Variants in ZDHHC21 observed in about 807,000 individuals in gnomAD.
The protein encoded by ZDHHC21 is zDHHC palmitoyltransferase 21.
In ZDHHC21, 15 loss-of-function variants were observed where a neutral mutation model predicts 34.6. The ratio of observed to expected loss-of-function variants is 0.43; its 90% CI spans 0.29 to 0.67. The LOEUF (loss-of-function observed/expected upper bound fraction) is 0.67. Among genes scored for constraint, ZDHHC21 ranks in the 30% least tolerant of loss-of-function variants. ZDHHC21 has a pLI of 0.14. For missense variants in ZDHHC21, 344 were observed against 327.7 expected (o/e 1.05, Z -0.38); for synonymous variants, 142 against 101.8 (o/e 1.40, Z -2.38).
At chr9:14,631,128 TAGA>T in intron 8 of ZDHHC21, among the ~76,000 whole-genome samples, 1 of 152,362 alleles carries the variant, frequency 6.6e-6, no homozygotes, top group Non-Finnish European at 1.5e-5. Context: ...CTTCTTCCAA[TAGA>T]AGGCTGTTTT....
At chr9:14,598,371 C>T in the ZDHHC21 span, among the ~76,000 whole-genome samples, 3 of 152,118 alleles carry the variant, frequency 2.0e-5, no homozygotes, top group East Asian at 5.8e-4. Flanking sequence ...AATAATACGA[C>T]GACTATACTA....
Position 14,692,222 on chromosome 9 carries a change from C to T in ZDHHC21, c.-225+1007G>A, listed in dbSNP as rs527325385. 1.3e-4 allele frequency among the ~76,000 whole-genome samples: 20 copies of T among 152,224 alleles called. No homozygotes were observed. The East Asian group carries it at 3.7e-3, about 28-fold the overall frequency. On this transcript the variant is annotated intron_variant, in intron 1 of 9. Coordinates refer to ENST00000380916, the MANE Select transcript of ZDHHC21 (RefSeq NM_178566.6). Reference sequence around the variant, plus strand: ...AAGAATTTAATATTACACCAAAAGCCTTTTAATCCAGGAATGGCGCATACT... The same window carrying T: ...AAGAATTTAATATTACACCAAAAGCTTTTTAATCCAGGAATGGCGCATACT...
intron 2 of ZDHHC21, chr9:14,683,564 T>G (rs1007589351): frequency 6.6e-6 from 1 of 152,006 alleles, no homozygotes; most frequent in Non-Finnish European, 1.5e-5. Context: ...ATTAATAGCT[T>G]ACCAACCAAA....
the ZDHHC21 span, among the ~76,000 whole-genome samples, chr9:14,598,119 G>A: frequency 1.3e-5 from 2 of 152,062 alleles, no homozygotes; most frequent in Admixed American, 6.6e-5. Flanking sequence ...AACCAGCCCA[G>A]AGCAAGCTGC....
chr9:14,648,344 T>C (rs551847452), intron 7 of ZDHHC21, among the ~76,000 whole-genome samples: 60 of 152,172 alleles, frequency 3.9e-4, no homozygotes, highest in African/African-American at 1.4e-3. Flanking sequence ...GTAAATGAGA[T>C]TGTGTAATGG....
chr9:14,678,807 A>C (rs1267425446), intron 3 of ZDHHC21, among the ~76,000 whole-genome samples: 1 of 152,064 alleles, frequency 6.6e-6, no homozygotes, highest in Non-Finnish European at 1.5e-5. Context: ...ATTCTAATAC[A>C]CCCATAGTGT....
chr9:14,662,951 T>C (rs1341308067), intron 5 of ZDHHC21, among the ~76,000 whole-genome samples: 1 of 152,162 alleles, frequency 6.6e-6, no homozygotes, highest in Non-Finnish European at 1.5e-5. Flanking sequence ...TGAAAAATGT[T>C]ATAAGACAAC....
chr9:14,600,369 G>C, the ZDHHC21 span, among the ~76,000 whole-genome samples: 5 of 152,012 alleles, frequency 3.3e-5, no homozygotes, highest in African/African-American at 9.7e-5. Context: ...ATAGCAGACA[G>C]AGAACCAAAT....
chr9:14,640,081 T>C lies in ZDHHC21; in HGVS notation c.505-69A>G. ...ACATTGCTTACAGTCGCAATAATAA[T>C]CAAGAATTGAGCCATAACACATCTT... On this transcript the variant is annotated intron_variant, in intron 7 of 9. Transcript: ENST00000380916. 2.1e-5 allele frequency: 17 copies of C among 807,316 alleles called. No homozygotes were observed. In the South Asian group the frequency reaches 2.7e-4, roughly 13 times the overall value. 50.0% of individuals were successfully genotyped at this position (807,316 alleles called of 1,614,324 possible).
At chr9:14,673,248 ACTG>A (rs1357524913) in intron 4 of ZDHHC21, among the ~76,000 whole-genome samples, 1 of 151,978 alleles carries the variant, frequency 6.6e-6, no homozygotes, top group African/African-American at 2.4e-5. Context: ...CCGTTTAATT[ACTG>A]CATGTTCTAT....
intron 5 of ZDHHC21, among the ~76,000 whole-genome samples, chr9:14,664,556 G>A (rs1181312011): frequency 6.6e-6 from 1 of 151,464 alleles, no homozygotes; most frequent in African/African-American, 2.4e-5. Flanking sequence ...TCTGGGGGCA[G>A]GGCACAGACA....
the ZDHHC21 span, among the ~76,000 whole-genome samples, chr9:14,603,171 G>A: frequency 6.6e-6 from 1 of 152,004 alleles, no homozygotes; most frequent in Non-Finnish European, 1.5e-5. Context: ...TACTTAAAAT[G>A]AATACATTTT....
At chr9:14,665,679 G>C (rs1317359024) in intron 5 of ZDHHC21, among the ~76,000 whole-genome samples, 2 of 137,350 alleles carry the variant, frequency 1.5e-5, no homozygotes, top group Non-Finnish European at 3.2e-5. Flanking sequence ...CCAGAAGAGA[G>C]TGGGGGCCAA....
chr9:14,590,594 G>A, the ZDHHC21 span, among the ~76,000 whole-genome samples: 6 of 151,986 alleles, frequency 3.9e-5, no homozygotes, highest in East Asian at 1.9e-4. Flanking sequence ...GAATGGAAGG[G>A]GCTGAATGTG....
At position 14,680,074 on chromosome 9, in the gene ZDHHC21, T is replaced by C. The variant is rs1837103823; in HGVS notation, c.-87A>G. On this transcript the variant is annotated 5_prime_UTR_variant, in exon 3 of 10. Coordinates refer to ENST00000380916, the MANE Select transcript of ZDHHC21 (RefSeq NM_178566.6). ...GAGATGTGCTGTAATTTTTCTGGAA[T>C]CTGCATTTAGAGATTTTCTTTTGAT... 1 of 152,568 alleles carries C rather than the reference T, an allele frequency of 6.6e-6. No homozygotes were observed. Among genetic ancestry groups the C allele is most frequent in the Admixed American group, 6.5e-5 (1 of 15,276 alleles). The allele number at this position is 152,568 out of a possible 1,614,324, so 9.5% of individuals were successfully genotyped here.
At chr9:14,674,146 G>A (rs747314262) in intron 4 of ZDHHC21, 41 bp downstream of exon 4, 7 of 1,397,496 alleles carry the variant, frequency 5.0e-6, no homozygotes, top group Non-Finnish European at 6.6e-6. Flanking sequence ...TTTACAATGA[G>A]AAAAATAATT....
chr9:14,609,983 T>G (rs1003158629), downstream of ZDHHC21, among the ~76,000 whole-genome samples: 3 of 152,088 alleles, frequency 2.0e-5, no homozygotes, highest in African/African-American at 7.2e-5. Flanking sequence ...CTTTCTTCTA[T>G]GAAGGCAGAC....
intron 3 of ZDHHC21, among the ~76,000 whole-genome samples, chr9:14,675,513 T>C (rs1211209529): frequency 6.6e-6 from 1 of 151,882 alleles, no homozygotes; most frequent in African/African-American, 2.4e-5. Flanking sequence ...TGAAAACAGC[T>C]GACTGGTGTC....
chr9:14,594,133 T>C, the ZDHHC21 span: 2 of 152,178 alleles, frequency 1.3e-5, no homozygotes, highest in Admixed American at 6.5e-5. Context: ...CCCAGTTCCA[T>C]GGAAAAGCTT....
Sources: gnomAD v4.1 joint callset for allele counts (sites outside exome capture counted in the v4.1 genomes callset) on GRCh38, gnomAD v4.1.1 for gene constraint, MANE v1.5 for transcripts, NCBI Gene and HGNC (gene_info 2026-07-23, HGNC 2026-07-21) for gene names.